The following KALRN variants were observed in gnomAD, a reference collection of about 807,000 sequenced individuals.
KALRN encodes the protein kalirin RhoGEF kinase, also known as kalirin.
A neutral mutation model predicts 353.7 loss-of-function variants in KALRN; 70 were observed. The ratio of observed to expected loss-of-function variants is 0.20; its 90% CI spans 0.16 to 0.24. KALRN has a LOEUF of 0.24. Ranked by LOEUF, KALRN falls within the 10% of genes least tolerant of loss-of-function variation. The probability of loss-of-function intolerance (pLI) is 1.00; values close to 1 mark genes in which losing one functional copy is unlikely to be tolerated. For missense variants in KALRN, 2,791 were observed against 3,756.7 expected (o/e 0.74, Z 6.72); for synonymous variants, 1,391 against 1,434.8 (o/e 0.97, Z 0.69).
intron 37 of KALRN, among the ~76,000 whole-genome samples, chr3:124,643,513 ACT>A (rs1259012893): frequency 6.6e-6 from 1 of 151,910 alleles, no homozygotes; most frequent in Non-Finnish European, 1.5e-5. Flanking sequence ...ACAGGGTCTC[ACT>A]CTGTCGCCCA....
At chr3:124,685,981 A>C (rs1219196872) in intron 51 of KALRN, among the ~76,000 whole-genome samples, 1 of 151,694 alleles carries the variant, frequency 6.6e-6, no homozygotes, top group Non-Finnish European at 1.5e-5. Flanking sequence ...GTGAGTTCCT[A>C]GTCAGTTCAA....
intron 1 of KALRN, among the ~76,000 whole-genome samples, chr3:124,083,953 A>G (rs2060672518): frequency 6.6e-6 from 1 of 152,248 alleles, no homozygotes; most frequent in Non-Finnish European, 1.5e-5. Flanking sequence ...AACAGGCTGC[A>G]GGGAGGTTGT....
chr3:124,592,033 G>A (rs528553858), intron 34 of KALRN, among the ~76,000 whole-genome samples: 195 of 152,298 alleles, frequency 1.3e-3, no homozygotes, highest in African/African-American at 4.6e-3. Flanking sequence ...GGGCATAGTG[G>A]CTCACACGTG....
intron 38 of KALRN, among the ~76,000 whole-genome samples, chr3:124,651,967 T>C (rs1335571818): frequency 6.6e-6 from 1 of 152,164 alleles, no homozygotes; most frequent in Non-Finnish European, 1.5e-5. Context: ...AGGGTTGTAC[T>C]CTGTGTTGGA....
intron 51 of KALRN, among the ~76,000 whole-genome samples, chr3:124,684,096 C>A (rs2061455567): frequency 2.0e-5 from 3 of 152,150 alleles, no homozygotes; most frequent in Admixed American, 2.0e-4. Flanking sequence ...AACAGAAATT[C>A]TTTAGTGGAC....
chr3:124,529,064 T>C (rs182517104), intron 33 of KALRN, among the ~76,000 whole-genome samples: 185 of 137,192 alleles, frequency 1.3e-3, no homozygotes, highest in African/African-American at 4.7e-3. Flanking sequence ...GGATAAAGAA[T>C]CAGTATAGTT....
rs115422172 is a variant in KALRN, at chr3:124,231,268, C to G, written c.148+3204C>G. On this transcript the variant is annotated intron_variant, in intron 2 of 59. Coordinates refer to ENST00000682506, the MANE Select transcript of KALRN (RefSeq NM_001388419.1). ...ATTCTGCTCTGTCATTCACAGCTCA[C>G]GAGCTCCCCTTGGCCTCTCTGATGT... 2.9e-3 allele frequency among the ~76,000 whole-genome samples: 447 copies of G among 152,354 alleles called. 1 individual carries two copies. The highest frequency in any genetic ancestry group is 0.01 in the African/African-American group (431 of 41,578).
chr3:124,551,773 G>A (rs925346352), intron 33 of KALRN, among the ~76,000 whole-genome samples: 7 of 152,172 alleles, frequency 4.6e-5, no homozygotes, highest in East Asian at 1.9e-4. Flanking sequence ...ATGCATACAC[G>A]TGATGTGTGT....
intron 1 of KALRN, among the ~76,000 whole-genome samples, chr3:124,099,155 A>G (rs191212113): frequency 8.6e-4 from 131 of 152,322 alleles, no homozygotes; most frequent in African/African-American, 3.0e-3. Flanking sequence ...ACTATACAAT[A>G]TAGTGTTATT....
chr3:124,520,449 G>A (rs1220471109), intron 33 of KALRN, among the ~76,000 whole-genome samples: 1 of 151,988 alleles, frequency 6.6e-6, no homozygotes, highest in African/African-American at 2.4e-5. Flanking sequence ...TAATCTTTAT[G>A]CCCCTCCAGC....
At chr3:124,102,617 G>A (rs2061970433) in intron 1 of KALRN, among the ~76,000 whole-genome samples, 1 of 152,188 alleles carries the variant, frequency 6.6e-6, no homozygotes, top group East Asian at 1.9e-4. Flanking sequence ...CAGTAAGTAT[G>A]TGCTTGTTTT....
chr3:124,612,458 C>T (rs1437919457), intron 34 of KALRN, among the ~76,000 whole-genome samples: 2 of 152,212 alleles, frequency 1.3e-5, no homozygotes, highest in Non-Finnish European at 2.9e-5. Context: ...CTGCCTCGGC[C>T]TCCCAAAGTG....
In KALRN at chr3:124,152,306, T is replaced by C. The variant is rs550267296; in HGVS notation, c.74-75684T>C. On this transcript the variant is annotated intron_variant, in intron 1 of 59. Coordinates refer to ENST00000682506, the MANE Select transcript of KALRN (RefSeq NM_001388419.1). ...GGTTCTACAGTCCTCAGCATATTAA[T>C]TGAAGTCTTGTTAAGCTTCACAAAG... 61 of 1,213,218 alleles carry C rather than the reference T, an allele frequency of 5.0e-5. No homozygotes were observed. In the Admixed American group the frequency reaches 6.9e-4, roughly 14 times the overall value. The allele number at this position is 1,213,218 out of a possible 1,614,324, so 75.2% of individuals were successfully genotyped here. A position where few individuals can be genotyped will look rare whatever the true frequency, so the allele number is the denominator to read the frequency against.
intron 9 of KALRN, among the ~76,000 whole-genome samples, chr3:124,338,483 G>A (rs1421720985): frequency 6.6e-6 from 1 of 152,148 alleles, no homozygotes; most frequent in Non-Finnish European, 1.5e-5. Flanking sequence ...TAATTTGATT[G>A]GACTGTTGTC....
chr3:124,184,326 AGAGCT>A (rs2073958815), intron 1 of KALRN, among the ~76,000 whole-genome samples: 1 of 152,240 alleles, frequency 6.6e-6, no homozygotes, highest in Non-Finnish European at 1.5e-5. Context: ...ATATGGTTGA[AGAGCT>A]TAGAAGAATG....
chr3:124,460,027 G>T (rs920975376), intron 23 of KALRN, among the ~76,000 whole-genome samples: 2 of 152,152 alleles, frequency 1.3e-5, no homozygotes, highest in African/African-American at 4.8e-5. Flanking sequence ...TGAGGGGAGG[G>T]TCTGTTCCAG....
At chr3:124,054,533 C>T (rs2041345981) in intron 1 of KALRN, among the ~76,000 whole-genome samples, 2 of 152,094 alleles carry the variant, frequency 1.3e-5, no homozygotes, top group African/African-American at 2.4e-5. Context: ...CTATGGCAGA[C>T]CCTCAGAATG....
At chr3:124,597,258 A>T (rs1382670160) in intron 34 of KALRN, among the ~76,000 whole-genome samples, 3 of 152,178 alleles carry the variant, frequency 2.0e-5, no homozygotes, top group Non-Finnish European at 4.4e-5. Flanking sequence ...AAATCTTAAG[A>T]TATTTCTCTG....
intron 2 of KALRN, among the ~76,000 whole-genome samples, chr3:124,232,572 C>T (rs1466060560): frequency 2.6e-5 from 4 of 152,290 alleles, no homozygotes; most frequent in Non-Finnish European, 4.4e-5. Flanking sequence ...CGTTGTTGTC[C>T]CTACCCTTCC....
Sources: gnomAD v4.1 joint callset for allele counts (sites outside exome capture counted in the v4.1 genomes callset) on GRCh38, gnomAD v4.1.1 for gene constraint, MANE v1.5 for transcripts, NCBI Gene and HGNC (gene_info 2026-07-23, HGNC 2026-07-21) for gene names.